The following EFCAB6 variants were observed in gnomAD, a reference collection of about 807,000 sequenced individuals.
EFCAB6 encodes the protein EF-hand calcium-binding domain-containing protein 6.
In EFCAB6, 156 loss-of-function variants were observed where a neutral mutation model predicts 169.8. The observed-to-expected ratio is 0.92, with a 90% CI of 0.81 to 1.05. The LOEUF is 1.05. EFCAB6 is among the 50% of genes least tolerant of loss of function. The pLI, the probability that EFCAB6 is intolerant of heterozygous loss-of-function variation, is 0.00. For missense variants in EFCAB6, 1,800 were observed against 1,829.1 expected, an observed-to-expected ratio of 0.98 and a Z score of 0.29; for synonymous variants, 698 against 676.4, an observed-to-expected ratio of 1.03 and a Z score of -0.50.
At chr22:43,665,235 A>G (rs2057192491) in intron 17 of EFCAB6, among the ~76,000 whole-genome samples, 1 of 152,170 alleles carries the variant, frequency 6.6e-6, no homozygotes, top group South Asian at 2.1e-4. Flanking sequence ...ACATGAACTC[A>G]GGAGACGCTG....
chr22:43,674,161 T>A (rs1200437805), intron 13 of EFCAB6, among the ~76,000 whole-genome samples: 3 of 152,206 alleles, frequency 2.0e-5, no homozygotes, highest in Non-Finnish European at 4.4e-5. Flanking sequence ...TGGAAGAATA[T>A]ACAGCAAAGT....
At chr22:43,614,367 TCAA>T (rs1454551537) in intron 21 of EFCAB6, among the ~76,000 whole-genome samples, 27 of 151,844 alleles carry the variant, frequency 1.8e-4, no homozygotes, top group Admixed American at 1.8e-3. Context: ...CAAAGGCAAC[TCAA>T]CAAAGCAAAG....
chr22:43,746,176 T>G (rs1333531171), intron 6 of EFCAB6, among the ~76,000 whole-genome samples: 1 of 152,344 alleles, frequency 6.6e-6, no homozygotes, highest in East Asian at 1.9e-4. Context: ...CTCGCCTCCC[T>G]GCCTCTGGGC....
chr22:43,782,056 C>A, intron 3 of EFCAB6, 124 bp downstream of exon 3: 1 of 993,066 alleles, frequency 1.0e-6, no homozygotes, highest in Non-Finnish European at 1.4e-6. Context: ...AAAACAGAGC[C>A]TAATTCATAG....
chr22:43,569,086 C>T (rs563149502), intron 26 of EFCAB6, among the ~76,000 whole-genome samples: 2 of 152,294 alleles, frequency 1.3e-5, no homozygotes, highest in East Asian at 3.9e-4. Context: ...TGGCACATGC[C>T]GAGTGCCTAC....
chr22:43,608,395 G>A (rs1473033403), intron 22 of EFCAB6, 87 bp downstream of exon 22: 4 of 1,139,968 alleles, frequency 3.5e-6, no homozygotes, highest in Non-Finnish European at 5.2e-6. Context: ...CAGTTACCCT[G>A]ATGTAGGAAA....
chr22:43,779,534 G>A (rs2061745478), intron 3 of EFCAB6, among the ~76,000 whole-genome samples: 1 of 152,164 alleles, frequency 6.6e-6, no homozygotes, highest in African/African-American at 2.4e-5. Context: ...AAGGTCAAGA[G>A]ATCGAGACCA....
intron 23 of EFCAB6, among the ~76,000 whole-genome samples, chr22:43,590,941 TG>T (rs1338037664): frequency 6.7e-6 from 1 of 149,802 alleles, no homozygotes; most frequent in Non-Finnish European, 1.5e-5. Flanking sequence ...TTGTCGGTGC[TG>T]GGGCAAGGGA....
intron 10 of EFCAB6, among the ~76,000 whole-genome samples, chr22:43,702,815 A>G (rs1405330710): frequency 6.6e-6 from 1 of 152,222 alleles, no homozygotes; most frequent in African/African-American, 2.4e-5. Context: ...CTTGGCTTGA[A>G]TTTATAGATG....
rs142570881 is a variant in EFCAB6 at position 43,554,939 on chromosome 22, G to A, written c.3578C>T (p.Thr1193Met). 9.5e-5 allele frequency: 153 copies of A among 1,614,084 alleles called. No homozygotes were observed. The East Asian group carries it at 1.6e-3, about 16-fold the overall frequency. Residue 1193 changes from threonine to methionine, a missense_variant, in exon 27 of 32, where the codon ACG becomes ATG. Coordinates refer to ENST00000262726, the MANE Select transcript of EFCAB6 (RefSeq NM_022785.4). ...QEFENFDTMK[T>M]NTISREEFRA... ...AAACTCCTCTCTGGAGATGGTGTTC[G>A]TTTTCATGGTGTCAAAATTCTCAAA...
At chr22:43,552,874 T>C (rs2048463301) in intron 27 of EFCAB6, 1 of 152,220 alleles carries the variant, frequency 6.6e-6, no homozygotes, top group Non-Finnish European at 1.5e-5. Flanking sequence ...ACTGTATTAA[T>C]TTCAAAGGCT....
rs777118779 is a variant in EFCAB6, at chr22:43,812,191, G to T, written c.-168C>A. 1 of 149,532 alleles carries T rather than the reference G, an allele frequency of 6.7e-6. No homozygotes were observed. Among genetic ancestry groups the T allele is most frequent in the Non-Finnish European group, 1.5e-5 (1 of 67,356 alleles). 9.3% of individuals were successfully genotyped at this position (149,532 alleles called of 1,614,324 possible). A position where few individuals can be genotyped will look rare whatever the true frequency, so the allele number is the denominator to read the frequency against. ...ACCGGGAACCCCTCCTCGATTCTCC[G>T]CCTAGCTGGGCCGGCACCCGCGTGC... is the stretch of plus-strand genomic sequence containing the variant. On this transcript the variant is annotated 5_prime_UTR_variant, in exon 1 of 32. Coordinates refer to ENST00000262726, the MANE Select transcript of EFCAB6 (RefSeq NM_022785.4).
At chr22:43,668,057 A>G (rs1032119389) in intron 16 of EFCAB6, among the ~76,000 whole-genome samples, 3 of 152,224 alleles carry the variant, frequency 2.0e-5, no homozygotes, top group African/African-American at 7.2e-5. Context: ...TAGGAAGCAA[A>G]CATATCTTAT....
intron 2 of EFCAB6, among the ~76,000 whole-genome samples, chr22:43,793,868 A>G (rs1317467309): frequency 6.6e-6 from 1 of 152,184 alleles, no homozygotes; most frequent in African/African-American, 2.4e-5. Flanking sequence ...CAGAAATAAC[A>G]TGATTTGTTA....
rs191864976 is a variant in EFCAB6, at chr22:43,701,571, G to T, written c.1031+9904C>A. ...ACAAATTGGACCAAATTATTGATAAGAATTTAATATATGGCAAAACAGACA... is the reference window on the plus strand; with the variant it reads ...ACAAATTGGACCAAATTATTGATAATAATTTAATATATGGCAAAACAGACA... On this transcript the variant is annotated intron_variant, in intron 10 of 31. Transcript: ENST00000262726. Among the ~76,000 whole-genome samples, 500 of 151,970 alleles carry T rather than the reference G, an allele frequency of 3.3e-3. 10 individuals carry two copies. Among genetic ancestry groups the T allele is most frequent in the South Asian group, 2.9e-3 (14 of 4,810 alleles).
intron 17 of EFCAB6, among the ~76,000 whole-genome samples, chr22:43,639,864 G>T (rs924016200): frequency 1.3e-5 from 2 of 151,768 alleles, no homozygotes; most frequent in East Asian, 3.9e-4. Flanking sequence ...CTCCTCTTCA[G>T]TTTGTATAAC....
At position 43,690,549 on chromosome 22, in the gene EFCAB6, T is replaced by C. The variant is rs558045267; in HGVS notation, c.1032-2968A>G. On this transcript the variant is annotated intron_variant, in intron 10 of 31. Transcript: ENST00000262726. ...AAAAAAAAATGCAAATCCGACCAGATTACTCTCTTGCTTAAAATCTTTCCA... is the reference window on the plus strand; with the variant it reads ...AAAAAAAAATGCAAATCCGACCAGACTACTCTCTTGCTTAAAATCTTTCCA... Among the ~76,000 whole-genome samples the C allele has an allele frequency of 5.3e-5, 8 of 150,288 alleles. No homozygotes were observed. In the East Asian group the frequency reaches 1.6e-3, roughly 29 times the overall value.
intron 8 of EFCAB6, among the ~76,000 whole-genome samples, chr22:43,717,471 T>C (rs939746092): frequency 4.6e-5 from 7 of 151,520 alleles, no homozygotes; most frequent in African/African-American, 1.2e-4. Flanking sequence ...TTTCATAATA[T>C]ATGAGTAGCT....
chr22:43,578,596 C>G (rs2050415610), intron 25 of EFCAB6, among the ~76,000 whole-genome samples: 1 of 152,062 alleles, frequency 6.6e-6, no homozygotes, highest in African/African-American at 2.4e-5. Context: ...AGGACACCAG[C>G]ACAGTCCACA....
Sources: gnomAD v4.1 joint callset for allele counts (sites outside exome capture counted in the v4.1 genomes callset) on GRCh38, gnomAD v4.1.1 for gene constraint, MANE v1.5 for transcripts, NCBI Gene and HGNC (gene_info 2026-07-23, HGNC 2026-07-21) for gene names.